Variants in PTPRG observed in about 807,000 individuals in gnomAD.
PTPRG encodes the protein protein tyrosine phosphatase receptor type G.
PTPRG carries 102 observed loss-of-function variants against 165.3 expected under a neutral mutation model. The observed-to-expected ratio is 0.62, with a 90% CI of 0.53 to 0.73. The LOEUF (loss-of-function observed/expected upper bound fraction) is 0.73, where lower values mean the gene tolerates loss of function less well. PTPRG is among the 30% of genes least tolerant of loss of function. The pLI is 0.00. For missense variants in PTPRG, 1,866 were observed against 1,861.4 expected (o/e 1.00, Z -0.05); for synonymous variants, 675 against 669.5 (o/e 1.01, Z -0.13).
chr3:61,775,942 G>A (rs1034802613), intron 2 of PTPRG, among the ~76,000 whole-genome samples: 1 of 149,514 alleles, frequency 6.7e-6, no homozygotes, highest in African/African-American at 2.5e-5. Flanking sequence ...TAGGGGGAGG[G>A]GGGAGGGATA....
At chr3:62,128,664 T>C (rs913645219) in intron 5 of PTPRG, among the ~76,000 whole-genome samples, 11 of 150,554 alleles carry the variant, frequency 7.3e-5, no homozygotes, top group Non-Finnish European at 1.5e-4. Flanking sequence ...ACAAGGACAC[T>C]AAAGCTGAAA....
chr3:62,016,329 G>C (rs2041543290), intron 4 of PTPRG, among the ~76,000 whole-genome samples: 3 of 152,036 alleles, frequency 2.0e-5, no homozygotes, highest in Admixed American at 2.0e-4. Flanking sequence ...ACTATGCCCA[G>C]CGAATTTTTT....
chr3:62,218,367 T>C (rs953743317), intron 12 of PTPRG, among the ~76,000 whole-genome samples: 1 of 152,150 alleles, frequency 6.6e-6, no homozygotes, highest in Admixed American at 6.5e-5. Context: ...CAGCAAAGAA[T>C]AGATGGCCAT....
At chr3:61,876,128 T>C (rs2037733393) in intron 2 of PTPRG, among the ~76,000 whole-genome samples, 1 of 152,168 alleles carries the variant, frequency 6.6e-6, no homozygotes, top group Non-Finnish European at 1.5e-5. Flanking sequence ...ATGACATGAT[T>C]TCTGTAGTAT....
intron 2 of PTPRG, among the ~76,000 whole-genome samples, chr3:61,865,678 A>G (rs943422965): frequency 2.2e-4 from 34 of 152,194 alleles, no homozygotes; most frequent in African/African-American, 6.8e-4. Flanking sequence ...CCACATGAGC[A>G]TGACAGAGCC....
chr3:61,795,891 G>T (rs2035031243), intron 2 of PTPRG, among the ~76,000 whole-genome samples: 1 of 151,904 alleles, frequency 6.6e-6, no homozygotes, highest in Non-Finnish European at 1.5e-5. Flanking sequence ...CATATCTTTG[G>T]GTGGATAGTG....
rs1194519710 is a variant in PTPRG at position 62,190,078 on chromosome 3, G to GT, written c.1034-1390dup. Among the ~76,000 whole-genome samples, 1 of 152,102 alleles carries GT rather than the reference G, an allele frequency of 6.6e-6. No homozygotes were observed. The highest frequency in any genetic ancestry group is 1.5e-5 in the Non-Finnish European group (1 of 68,012). On this transcript the variant is annotated intron_variant, in intron 8 of 29. Transcript: ENST00000474889. The surrounding 1 kb of genome is among the most constrained non-coding windows in gnomAD (Gnocchi z 5.2). ...TCCTCTCCCTCCATCCTGTCCTGGC[G>GT]TGCAGTGATGGCTCTGCGCATGGGA...
chr3:61,623,371 G>A (rs73096794), intron 1 of PTPRG, among the ~76,000 whole-genome samples: 43,781 of 152,086 alleles, frequency 0.29, 6,466 homozygotes, highest in South Asian at 0.35. Flanking sequence ...GCAGAGGAAA[G>A]TTGGGGGACT....
chr3:61,620,086 T>A (rs757121710), intron 1 of PTPRG, among the ~76,000 whole-genome samples: 1 of 152,122 alleles, frequency 6.6e-6, no homozygotes, highest in Non-Finnish European at 1.5e-5. Context: ...GGAACTAGTA[T>A]TGAGTAGAAT....
intron 1 of PTPRG, among the ~76,000 whole-genome samples, chr3:61,678,380 T>C (rs1703311656): frequency 6.6e-6 from 1 of 152,196 alleles, no homozygotes; most frequent in Admixed American, 6.5e-5. Context: ...CTGGCGTAGT[T>C]GTCTAGTCTT....
chr3:61,587,797 C>T (rs112427531), intron 1 of PTPRG, among the ~76,000 whole-genome samples: 20 of 152,186 alleles, frequency 1.3e-4, no homozygotes, highest in Admixed American at 5.2e-4. Flanking sequence ...GCCAGGACTA[C>T]AGGTGCACAC....
intron 13 of PTPRG, among the ~76,000 whole-genome samples, chr3:62,220,188 A>G (rs969180207): frequency 1.3e-5 from 2 of 152,236 alleles, no homozygotes; most frequent in Non-Finnish European, 2.9e-5. Context: ...AGAAAAGGGT[A>G]TCAGAAAGAA....
intron 6 of PTPRG, among the ~76,000 whole-genome samples, chr3:62,146,470 C>T (rs1047245128): frequency 6.6e-6 from 1 of 152,050 alleles, no homozygotes; most frequent in East Asian, 1.9e-4. Context: ...GTATGGGCCC[C>T]GGGATTTTCT....
At chr3:61,710,723 G>T (rs1034943076) in intron 1 of PTPRG, among the ~76,000 whole-genome samples, 3 of 151,960 alleles carry the variant, frequency 2.0e-5, no homozygotes, top group Non-Finnish European at 4.4e-5. Flanking sequence ...TAAAAGATTG[G>T]ATACCTCTGA....
intron 1 of PTPRG, among the ~76,000 whole-genome samples, chr3:61,725,228 C>T (rs1036613572): frequency 6.6e-5 from 10 of 151,970 alleles, no homozygotes; most frequent in Non-Finnish European, 8.8e-5. Context: ...AGTACAGTGG[C>T]GTGATCTGGG....
At chr3:61,567,781 A>G (rs986149370) in intron 1 of PTPRG, among the ~76,000 whole-genome samples, 2 of 151,914 alleles carry the variant, frequency 1.3e-5, no homozygotes, top group Non-Finnish European at 2.9e-5. Context: ...CCAGGAGTTC[A>G]AGACCAGCCA....
At chr3:61,780,087 T>A (rs896663786) in intron 2 of PTPRG, among the ~76,000 whole-genome samples, 1 of 152,200 alleles carries the variant, frequency 6.6e-6, no homozygotes, top group African/African-American at 2.4e-5. Context: ...TGTAAGAAGT[T>A]AATGGCCAAA....
intron 28 of PTPRG, among the ~76,000 whole-genome samples, chr3:62,286,970 T>G (rs1427870588): frequency 6.6e-6 from 1 of 152,152 alleles, no homozygotes; most frequent in Non-Finnish European, 1.5e-5. Context: ...TTTGATTGAT[T>G]TGACTTGCGA....
chr3:61,814,353 G>T (rs1176021208), intron 2 of PTPRG, among the ~76,000 whole-genome samples: 1 of 152,136 alleles, frequency 6.6e-6, no homozygotes, highest in African/African-American at 2.4e-5. Flanking sequence ...ATAACCACTG[G>T]AGTATTCCAC....
Sources: allele counts gnomAD v4.1 joint callset (sites outside exome capture counted in the v4.1 genomes callset), GRCh38; gene constraint gnomAD v4.1.1; non-coding constraint Gnocchi (gnomAD v3.1); transcripts MANE v1.5; gene names NCBI Gene and HGNC (gene_info 2026-07-23, HGNC 2026-07-21).